Variants in ERBB4 observed in about 807,000 individuals in gnomAD.
The protein encoded by ERBB4 is erb-b2 receptor tyrosine kinase 4.
Under a neutral mutation model 158.0 loss-of-function variants are expected in ERBB4, and 42 were observed. The ratio of observed to expected loss-of-function variants is 0.27; its 90% CI spans 0.21 to 0.34. The LOEUF is 0.34. Among genes scored for constraint, ERBB4 ranks in the 10% least tolerant of loss-of-function variants. The probability of loss-of-function intolerance (pLI) is 1.00; values close to 1 mark genes in which losing one functional copy is unlikely to be tolerated. For synonymous variants in ERBB4, 583 were observed against 558.7 expected, an observed-to-expected ratio of 1.04 and a Z score of -0.61; for missense variants, 1,333 against 1,624.1, an observed-to-expected ratio of 0.82 and a Z score of 3.08.
At chr2:211,905,681 T>TACACAC (rs1553663425) in intron 3 of ERBB4, among the ~76,000 whole-genome samples, 3 of 110,668 alleles carry the variant, frequency 2.7e-5, no homozygotes, top group African/African-American at 7.8e-5. Flanking sequence ...TATATATATA[T>TACACAC]ACACACATAT....
At chr2:212,093,843 T>C (rs1180819690) in intron 2 of ERBB4, among the ~76,000 whole-genome samples, 1 of 152,176 alleles carries the variant, frequency 6.6e-6, no homozygotes, top group African/African-American at 2.4e-5. Context: ...AGGGAAAACA[T>C]AGATATTTTA....
chr2:212,222,254 G>A (rs569534277), intron 1 of ERBB4, among the ~76,000 whole-genome samples: 1 of 151,610 alleles, frequency 6.6e-6, no homozygotes, highest in South Asian at 2.1e-4. Context: ...GAAATGAGGA[G>A]TACGGGTTAA....
intron 20 of ERBB4, among the ~76,000 whole-genome samples, chr2:211,559,154 T>A (rs990180199): frequency 1.3e-5 from 2 of 152,162 alleles, no homozygotes; most frequent in African/African-American, 4.8e-5. Flanking sequence ...TCACCACTCA[T>A]AGCTAATCAA....
intron 20 of ERBB4, among the ~76,000 whole-genome samples, chr2:211,488,675 A>G (rs1002035437): frequency 2.0e-5 from 3 of 152,112 alleles, no homozygotes; most frequent in African/African-American, 7.2e-5. Context: ...TATAAAACTT[A>G]CCTGAAAAGG....
intron 1 of ERBB4, among the ~76,000 whole-genome samples, chr2:212,204,989 T>G (rs2082703010): frequency 6.6e-6 from 1 of 151,348 alleles, no homozygotes; most frequent in South Asian, 2.1e-4. Flanking sequence ...CGGCTAGTTT[T>G]GTATTTTTAG....
At position 211,583,643 on chromosome 2, in the gene ERBB4, T is replaced by C. The variant is rs187525938; in HGVS notation, c.2302-21555A>G. ...AGCACTTTGTTGTAACAAATAAGTA[T>C]CTATAGGACTGTCTTTTATCACCTT... is the stretch of plus-strand genomic sequence containing the variant. On this transcript the variant is annotated intron_variant, in intron 19 of 27. Transcript: ENST00000342788. Among the ~76,000 whole-genome samples, 8 of 151,684 alleles carry C rather than the reference T, an allele frequency of 5.3e-5. No homozygotes were observed. The East Asian group carries it at 1.6e-3, about 29-fold the overall frequency.
chr2:212,404,113 C>T (rs1399584743), intron 1 of ERBB4, among the ~76,000 whole-genome samples: 1 of 151,902 alleles, frequency 6.6e-6, no homozygotes, highest in Non-Finnish European at 1.5e-5. Context: ...AGTTTATTCA[C>T]ACGAGCCATG....
intron 20 of ERBB4, among the ~76,000 whole-genome samples, chr2:211,457,095 C>A (rs908053761): frequency 7.2e-5 from 11 of 152,130 alleles, no homozygotes; most frequent in African/African-American, 2.2e-4. Flanking sequence ...ACTGAGCAAC[C>A]TGAGACTTAA....
intron 20 of ERBB4, among the ~76,000 whole-genome samples, chr2:211,538,168 T>A (rs2066706594): frequency 6.6e-6 from 1 of 151,884 alleles, no homozygotes; most frequent in African/African-American, 2.4e-5. Flanking sequence ...AAATTTAAAA[T>A]GTACACTGAA....
intron 12 of ERBB4, among the ~76,000 whole-genome samples, chr2:211,693,170 T>G (rs1266549001): frequency 2.0e-5 from 3 of 152,014 alleles, no homozygotes; most frequent in Non-Finnish European, 4.4e-5. Context: ...TTTTAGAAAG[T>G]CTTAAGGTTT....
chr2:211,824,559 C>T (rs997366309), intron 3 of ERBB4, among the ~76,000 whole-genome samples: 5 of 151,826 alleles, frequency 3.3e-5, no homozygotes, highest in Non-Finnish European at 7.4e-5. Context: ...CTGAGAAAAA[C>T]GAAATGCTAC....
intron 1 of ERBB4, among the ~76,000 whole-genome samples, chr2:212,380,502 T>C (rs577960459): frequency 2.0e-5 from 3 of 147,558 alleles, no homozygotes; most frequent in Non-Finnish European, 4.5e-5. Context: ...GATGTTATGC[T>C]AAGTGATAAA....
At chr2:211,484,799 G>A (rs1016394762) in intron 20 of ERBB4, among the ~76,000 whole-genome samples, 9 of 152,122 alleles carry the variant, frequency 5.9e-5, no homozygotes, top group Non-Finnish European at 1.2e-4. Flanking sequence ...CACAGAACAA[G>A]TAGAAAGAAA....
At chr2:211,427,281 A>G (rs750590365) in intron 22 of ERBB4, among the ~76,000 whole-genome samples, 13 of 152,128 alleles carry the variant, frequency 8.5e-5, no homozygotes, top group Non-Finnish European at 1.5e-4. Context: ...AGTAACATAA[A>G]TTGTACCATA....
At chr2:212,498,346 C>A (rs925260153) in intron 1 of ERBB4, among the ~76,000 whole-genome samples, 21 of 152,050 alleles carry the variant, frequency 1.4e-4, no homozygotes, top group Admixed American at 1.4e-3. Context: ...TACCATTTCC[C>A]AACTTGACTA....
intron 20 of ERBB4, among the ~76,000 whole-genome samples, chr2:211,549,146 T>C (rs2067015957): frequency 6.6e-6 from 1 of 152,144 alleles, no homozygotes; most frequent in Non-Finnish European, 1.5e-5. Context: ...TTCGTGTTTC[T>C]AATCTGGGCT....
At chr2:211,638,534 G>C (rs2070446401) in intron 16 of ERBB4, among the ~76,000 whole-genome samples, 1 of 152,118 alleles carries the variant, frequency 6.6e-6, no homozygotes, top group Admixed American at 6.6e-5. Context: ...TCTGTCCTTT[G>C]ATTAAGGCTC....
intron 1 of ERBB4, among the ~76,000 whole-genome samples, chr2:212,292,001 T>A (rs1338434415): frequency 6.6e-6 from 1 of 151,972 alleles, no homozygotes; most frequent in Non-Finnish European, 1.5e-5. Flanking sequence ...ATGAAAGAAC[T>A]GAGGTTGAAT....
At chr2:211,436,345 G>C (rs2063853753) in intron 20 of ERBB4, among the ~76,000 whole-genome samples, 1 of 152,194 alleles carries the variant, frequency 6.6e-6, no homozygotes, top group Non-Finnish European at 1.5e-5. Flanking sequence ...AGATGGTAGA[G>C]TGGGTAGGAG....
Sources: gnomAD v4.1 joint callset for allele counts (sites outside exome capture counted in the v4.1 genomes callset) on GRCh38, gnomAD v4.1.1 for gene constraint, MANE v1.5 for transcripts, NCBI Gene and HGNC (gene_info 2026-07-23, HGNC 2026-07-21) for gene names.